Variants in SPTBN1 observed in about 807,000 individuals in gnomAD.
The protein encoded by SPTBN1 is spectrin beta, non-erythrocytic 1, also known as spectrin beta chain, non-erythrocytic 1.
Under a neutral mutation model 266.4 loss-of-function variants are expected in SPTBN1, and 32 were observed. That is an observed-to-expected ratio of 0.12 (90% CI 0.09 to 0.16). The LOEUF (loss-of-function observed/expected upper bound fraction) is 0.16, where lower values mean the gene tolerates loss of function less well. SPTBN1 is among the 10% of genes least tolerant of loss of function. The pLI is 1.00. For synonymous variants in SPTBN1, 1,336 were observed against 1,162.2 expected, an observed-to-expected ratio of 1.15 and a Z score of -3.04; for missense variants, 2,296 against 3,067.1, an observed-to-expected ratio of 0.75 and a Z score of 5.94.
rs151290572 is a variant in SPTBN1 at position 54,643,124 on chromosome 2, G to C, written c.4000G>C (p.Glu1334Gln). ...CAACAAAGAATGGCTTGACAAAATCGAGAAGGTGAGTTAAAACATTTGATG... is the reference window on the plus strand; with the variant it reads ...CAACAAAGAATGGCTTGACAAAATCCAGAAGGTGAGTTAAAACATTTGATG... ...ASNKEWLDKIEKEGMQLISEK... is the reference protein window; with the variant it reads ...ASNKEWLDKIQKEGMQLISEK... The change falls in exon 19 of 36, where the codon GAG becomes CAG. Residue 1334 changes from glutamate to glutamine, a missense_variant. Physicochemically the swap from Glu to Gln is conservative, Grantham distance 29. This residue lies in a region of SPTBN1 where 386 missense variants were observed against 486.1 expected (regional missense o/e 0.79). Transcript: ENST00000356805. 6.2e-7 allele frequency: 1 copy of C among 1,614,082 alleles called. No individual in the cohort carries two copies. The highest frequency in any genetic ancestry group is 1.7e-5 in the Admixed American group (1 of 60,010).
intron 3 of SPTBN1, among the ~76,000 whole-genome samples, chr2:54,602,902 A>T (rs1321560845): frequency 6.6e-6 from 1 of 152,204 alleles, no homozygotes; most frequent in African/African-American, 2.4e-5. Flanking sequence ...CATATTGTTT[A>T]TTGAAATAGT....
chr2:54,525,953 A>C (rs1670789269), intron 1 of SPTBN1, among the ~76,000 whole-genome samples: 1 of 152,202 alleles, frequency 6.6e-6, no homozygotes, highest in Admixed American at 6.5e-5. Flanking sequence ...GCTGGCCTCG[A>C]ACTCCTGACC....
In SPTBN1 at chr2:54,624,959, T is replaced by C. The variant is rs1370826805; in HGVS notation, c.1338T>C (p.Ser446=). ...TWLSENQRLV[S]QDNFGFDLPA... is the part of the protein sequence containing the mutation. ...TGAGCGAAAACCAGCGTCTGGTGTC[T>C]CAGGTTCTGCTCTTGACATTATTAA... Residue 446 remains serine, a synonymous_variant, in exon 11 of 36, where the codon TCT becomes TCC. Transcript: ENST00000356805. 1.8e-5 allele frequency: 29 copies of C among 1,599,730 alleles called. No individual in the cohort carries two copies. The highest frequency in any genetic ancestry group is 2.5e-5 in the Non-Finnish European group (29 of 1,173,796).
chr2:54,511,034 T>C (rs1217498519), intron 1 of SPTBN1, among the ~76,000 whole-genome samples: 15 of 152,220 alleles, frequency 9.9e-5, no homozygotes, highest in African/African-American at 3.6e-4. Context: ...GCCTGGGTGT[T>C]GGGCTGATTG....
chr2:54,476,134 A>G (rs1283768930), intron 1 of SPTBN1, among the ~76,000 whole-genome samples: 5 of 151,758 alleles, frequency 3.3e-5, no homozygotes, highest in Non-Finnish European at 5.9e-5. Context: ...AAACTCACAG[A>G]TGCGTATTTT....
intron 2 of SPTBN1, among the ~76,000 whole-genome samples, chr2:54,552,902 G>A (rs1672660599): frequency 6.6e-6 from 1 of 152,234 alleles, no homozygotes; most frequent in Admixed American, 6.5e-5. Context: ...GGGAGGGGAA[G>A]TGCTCCTGAC....
Position 54,575,086 on chromosome 2 carries a change from G to A in SPTBN1, c.149-24006G>A, listed in dbSNP as rs142403380. ...TCTGTGAATTCAAGGCGTGTGCTTC[G>A]TCTAAATAGGTGGAGACACGTAGGA... On this transcript the variant is annotated intron_variant, in intron 2 of 35. Coordinates refer to ENST00000356805, the MANE Select transcript of SPTBN1 (RefSeq NM_003128.3). Among the ~76,000 whole-genome samples, 5 of 152,298 alleles carry A rather than the reference G, an allele frequency of 3.3e-5. No individual in the cohort carries two copies. In the East Asian group the frequency reaches 7.7e-4, roughly 23 times the overall value.
At chr2:54,507,716 C>G (rs1236945864) in intron 1 of SPTBN1, among the ~76,000 whole-genome samples, 2 of 150,728 alleles carry the variant, frequency 1.3e-5, no homozygotes, top group African/African-American at 4.9e-5. Context: ...TAGGCTCTAT[C>G]TTTGAGTTTT....
chr2:54,608,995 T>C (rs997507466), intron 3 of SPTBN1, among the ~76,000 whole-genome samples: 1 of 152,196 alleles, frequency 6.6e-6, no homozygotes, highest in Non-Finnish European at 1.5e-5. Flanking sequence ...TCTTCATCCT[T>C]GTCTTCACGT....
rs761984098 is a variant in SPTBN1 at position 54,626,204 on chromosome 2, C to G, written c.1614C>G (p.Leu538=). The change falls in exon 12 of 36, where the codon CTC becomes CTG. Residue 538 remains leucine (L), a synonymous_variant. Transcript: ENST00000356805. This position sits in a 1 kb window ranked among gnomAD's most constrained non-coding sequence, Gnocchi z 4.7. Reference sequence around the variant, plus strand: ...TGCAGAAGATATTCCAGGAAATGCTCTACATTATGGACTGGATGGATGAAA... The same window carrying G: ...TGCAGAAGATATTCCAGGAAATGCTGTACATTATGGACTGGATGGATGAAA... ...LGLQKIFQEM[L]YIMDWMDEMK... 7 of 1,614,044 alleles carry G rather than the reference C, an allele frequency of 4.3e-6. No homozygotes were observed. The highest frequency in any genetic ancestry group is 3.3e-5 in the Admixed American group (2 of 59,998).
intron 3 of SPTBN1, among the ~76,000 whole-genome samples, chr2:54,599,997 T>C (rs193009378): frequency 5.5e-4 from 84 of 152,258 alleles, no homozygotes; most frequent in Non-Finnish European, 1.0e-3. Context: ...GTGCCATAGG[T>C]GGAAGTGGTG....
At chr2:54,486,386 T>G (rs1448718892) in intron 1 of SPTBN1, among the ~76,000 whole-genome samples, 1 of 152,208 alleles carries the variant, frequency 6.6e-6, no homozygotes, top group Non-Finnish European at 1.5e-5. Flanking sequence ...AGAAAAATTC[T>G]TCTGCCTTGG....
intron 1 of SPTBN1, among the ~76,000 whole-genome samples, chr2:54,500,225 C>T (rs1371662409): frequency 6.6e-6 from 1 of 152,156 alleles, no homozygotes; most frequent in Non-Finnish European, 1.5e-5. Context: ...TTGTAAGACT[C>T]ATGTTTCAGG....
chr2:54,632,619 A>C lies in SPTBN1; in HGVS notation c.3618A>C (p.Ala1206=). The C allele has an allele frequency of 5.0e-6, 8 of 1,614,256 alleles. No homozygotes were observed. The highest frequency in any genetic ancestry group is 4.2e-6 in the Non-Finnish European group (5 of 1,180,046). Residue 1206 remains alanine, a synonymous_variant, in exon 17 of 36, where the codon GCA becomes GCC. Transcript: ENST00000356805. ...EMPTTLEGAE[A]AIKKQEDFMT... is the part of the protein sequence containing the mutation. Reference sequence around the variant, plus strand: ...CTACCACCTTGGAAGGAGCTGAAGCAGCAATTAAAAAGCAAGAGGACTTCA... The same window carrying C: ...CTACCACCTTGGAAGGAGCTGAAGCCGCAATTAAAAAGCAAGAGGACTTCA...
At chr2:54,607,434 C>T (rs1237038223) in intron 3 of SPTBN1, among the ~76,000 whole-genome samples, 5 of 152,182 alleles carry the variant, frequency 3.3e-5, no homozygotes, top group African/African-American at 1.2e-4. Flanking sequence ...ACCAGCTTGG[C>T]CAACATGGTG....
At position 54,518,454 on chromosome 2, in the gene SPTBN1, T is replaced by TAAAA. The variant is rs66586310; in HGVS notation, c.-47-7906_-47-7903dup. 1.6e-3 allele frequency among the ~76,000 whole-genome samples: 224 copies of TAAAA among 143,704 alleles called. 3 individuals are homozygous for TAAAA. Among genetic ancestry groups the TAAAA allele is most frequent in the African/African-American group, 5.5e-3 (212 of 38,664 alleles). The allele number at this position is 143,704 out of a possible 152,430, so 94.3% of individuals were successfully genotyped here. ...TGTCCACTAGAACCTAAAGTATAAT[T>TAAAA]AAAAAAAAAAAAAAAGAAACAGTGG... is the stretch of plus-strand genomic sequence containing the variant. On this transcript the variant is annotated intron_variant, in intron 1 of 35. Transcript: ENST00000356805.
intron 2 of SPTBN1, among the ~76,000 whole-genome samples, chr2:54,588,809 A>G (rs981298683): frequency 1.3e-5 from 2 of 152,200 alleles, no homozygotes; most frequent in Non-Finnish European, 2.9e-5. Context: ...TTTTTAGTCA[A>G]ACACAGTGAA....
intron 2 of SPTBN1, among the ~76,000 whole-genome samples, chr2:54,597,866 CTTTTTTTTTTTT>C (rs531763576): frequency 1.2e-5 from 1 of 82,192 alleles, no homozygotes; most frequent in African/African-American, 4.2e-5. Context: ...GAGCTATCTG[CTTTTTTTTTTTT>C]TTTTTTTTTT....
intron 1 of SPTBN1, among the ~76,000 whole-genome samples, chr2:54,490,948 C>T (rs1240236705): frequency 6.6e-6 from 1 of 152,154 alleles, no homozygotes; most frequent in Non-Finnish European, 1.5e-5. Context: ...AAAACTCTTG[C>T]ATGCCTTGAG....
Sources: allele counts gnomAD v4.1 joint callset (sites outside exome capture counted in the v4.1 genomes callset), GRCh38; gene constraint gnomAD v4.1.1; regional missense constraint gnomAD v4.1.1; non-coding constraint Gnocchi (gnomAD v3.1); transcripts MANE v1.5; gene names NCBI Gene and HGNC (gene_info 2026-07-23, HGNC 2026-07-21).